PTPRN2: variants seen among roughly 807,000 people sequenced by gnomAD.
The protein encoded by PTPRN2 is protein tyrosine phosphatase receptor type N2, also known as receptor-type tyrosine-protein phosphatase N2.
PTPRN2 carries 74 observed loss-of-function variants against 118.8 expected under a neutral mutation model. The observed-to-expected ratio is 0.62, with a 90% CI of 0.52 to 0.76. PTPRN2 has a LOEUF of 0.76. PTPRN2 is among the 30% of genes least tolerant of loss of function. The pLI is 0.00. For synonymous variants in PTPRN2, 641 were observed against 608.0 expected (o/e 1.05, Z -0.80); for missense variants, 1,481 against 1,394.4 (o/e 1.06, Z -0.99).
intron 12 of PTPRN2, among the ~76,000 whole-genome samples, chr7:157,795,352 C>T (rs1585489297): frequency 6.6e-6 from 1 of 152,330 alleles, no homozygotes; most frequent in Admixed American, 6.5e-5. Flanking sequence ...AAAGCTGGGC[C>T]CCAGCCACAG....
At chr7:158,308,612 CAGAG>C (rs138800097) in intron 3 of PTPRN2, among the ~76,000 whole-genome samples, 10,228 of 151,890 alleles carry the variant, frequency 0.067, 447 homozygotes, top group Non-Finnish European at 0.099. Flanking sequence ...GAAAAAATGA[CAGAG>C]AGTGTTTGAA....
chr7:158,235,557 G>T (rs62479637), intron 3 of PTPRN2, among the ~76,000 whole-genome samples: 49 of 152,214 alleles, frequency 3.2e-4, no homozygotes, highest in Non-Finnish European at 3.4e-4. Context: ...TCATGAGGGT[G>T]CCTCCGTTGA....
At chr7:158,127,395 C>A (rs988693864) in intron 9 of PTPRN2, among the ~76,000 whole-genome samples, 2 of 152,088 alleles carry the variant, frequency 1.3e-5, no homozygotes, top group Non-Finnish European at 2.9e-5. Flanking sequence ...TCTCCACAGT[C>A]CAGGAGCCAC....
intron 3 of PTPRN2, among the ~76,000 whole-genome samples, chr7:158,258,131 G>T (rs1030558391): frequency 5.3e-5 from 8 of 152,242 alleles, no homozygotes; most frequent in African/African-American, 1.9e-4. Context: ...GGGCACGTAA[G>T]AACAGCTCAC....
At chr7:158,290,783 A>G (rs186738433) in intron 3 of PTPRN2, among the ~76,000 whole-genome samples, 23 of 152,264 alleles carry the variant, frequency 1.5e-4, no homozygotes, top group African/African-American at 5.1e-4. Flanking sequence ...CCCAGGTGCT[A>G]TCACCTCTCA....
intron 11 of PTPRN2, among the ~76,000 whole-genome samples, chr7:158,068,729 G>A (rs73748021): frequency 0.017 from 2,531 of 152,222 alleles, 75 homozygotes; most frequent in African/African-American, 0.058. Context: ...CATTTTGGTC[G>A]GTCAAGGGCT....
chr7:157,895,784 G>A (rs868235100), intron 12 of PTPRN2, among the ~76,000 whole-genome samples: 5 of 152,116 alleles, frequency 3.3e-5, no homozygotes, highest in African/African-American at 4.8e-5. Flanking sequence ...CGTCAGGACC[G>A]TGATGGGAAT....
intron 11 of PTPRN2, among the ~76,000 whole-genome samples, chr7:158,027,064 C>T (rs1037549251): frequency 1.1e-4 from 16 of 152,210 alleles, no homozygotes; most frequent in African/African-American, 3.6e-4. Flanking sequence ...CCATCATCTC[C>T]GCTGACCAGG....
rs60880876 is a variant in PTPRN2, at chr7:158,400,956, G to A, written c.164-84024C>T. 2.7e-3 allele frequency among the ~76,000 whole-genome samples: 406 copies of A among 152,026 alleles called. 2 individuals are homozygous for A. The highest frequency in any genetic ancestry group is 9.2e-3 in the African/African-American group (380 of 41,452). ...TGTAAAGAACCTCACGAGGAAAGCC[G>A]AGCAGACAGCAAACCCAGAGCTTCC... On this transcript the variant is annotated intron_variant, in intron 2 of 22. Coordinates refer to ENST00000389418, the MANE Select transcript of PTPRN2 (RefSeq NM_002847.5).
At position 158,003,532 on chromosome 7, in the gene PTPRN2, G is replaced by T. The variant is rs1331586709; in HGVS notation, c.1723+77766C>A. ...TCTACACAGAAGGACAGCCCCTGAG[G>T]ACGTGGCCACGACGCAGCCACCGTG... On this transcript the variant is annotated intron_variant, in intron 11 of 22. Coordinates refer to ENST00000389418, the MANE Select transcript of PTPRN2 (RefSeq NM_002847.5). The surrounding 1 kb of genome is among the most constrained non-coding windows in gnomAD (Gnocchi z 5.0). Among the ~76,000 whole-genome samples, 25 of 152,154 alleles carry T rather than the reference G, an allele frequency of 1.6e-4. No individual in the cohort carries two copies. The highest frequency in any genetic ancestry group is 2.4e-4 in the Non-Finnish European group (16 of 68,028).
intron 12 of PTPRN2, among the ~76,000 whole-genome samples, chr7:157,815,444 T>C (rs1317747133): frequency 6.6e-6 from 1 of 152,192 alleles, no homozygotes; most frequent in Non-Finnish European, 1.5e-5. Flanking sequence ...TAGAGCCACT[T>C]AGAGAAGCAC....
intron 17 of PTPRN2, among the ~76,000 whole-genome samples, chr7:157,584,278 G>GTCT (rs1212848828): frequency 3.9e-5 from 6 of 152,152 alleles, no homozygotes; most frequent in Non-Finnish European, 8.8e-5. Context: ...TGTTAGTCTT[G>GTCT]TCTTTAGCCC....
intron 12 of PTPRN2, among the ~76,000 whole-genome samples, chr7:157,814,964 G>A (rs996650279): frequency 7.9e-5 from 12 of 152,192 alleles, no homozygotes; most frequent in African/African-American, 2.9e-4. Context: ...GGTCACCCGT[G>A]CATGGTGACG....
intron 21 of PTPRN2, among the ~76,000 whole-genome samples, chr7:157,566,070 GC>G (rs1398380283): frequency 5.9e-5 from 9 of 152,192 alleles, no homozygotes; most frequent in African/African-American, 1.7e-4. Flanking sequence ...CTTCAACTAG[GC>G]CCAAAGGCCT....
chr7:158,119,666 A>G (rs569250422), intron 9 of PTPRN2, among the ~76,000 whole-genome samples: 1 of 152,116 alleles, frequency 6.6e-6, no homozygotes, highest in Non-Finnish European at 1.5e-5. Context: ...ATTACAGTAA[A>G]TTGTTATAAT....
chr7:157,646,463 G>C (rs1463971233), intron 14 of PTPRN2, among the ~76,000 whole-genome samples: 2 of 152,130 alleles, frequency 1.3e-5, no homozygotes, highest in Admixed American at 1.3e-4. Flanking sequence ...CATGCTTCCT[G>C]TACAGCCTAC....
intron 1 of PTPRN2, among the ~76,000 whole-genome samples, chr7:158,512,053 A>C (rs892403536): frequency 6.6e-6 from 1 of 152,218 alleles, no homozygotes; most frequent in African/African-American, 2.4e-5. Flanking sequence ...TAACAAAAAA[A>C]ATCAAGGATG....
intron 2 of PTPRN2, among the ~76,000 whole-genome samples, chr7:158,340,544 G>T (rs1373684441): frequency 6.1e-5 from 7 of 114,100 alleles, no homozygotes; most frequent in Non-Finnish European, 9.3e-5. Context: ...GCTGTCGCCC[G>T]CAGAGGTCAC....
intron 3 of PTPRN2, among the ~76,000 whole-genome samples, chr7:158,303,228 C>T (rs1043403483): frequency 2.6e-5 from 4 of 151,740 alleles, no homozygotes; most frequent in Non-Finnish European, 5.9e-5. Context: ...GGATGTGATC[C>T]TGAGAACAAC....
Sources: gnomAD v4.1 joint callset for allele counts (sites outside exome capture counted in the v4.1 genomes callset) on GRCh38, gnomAD v4.1.1 for gene constraint, Gnocchi (gnomAD v3.1) non-coding constraint, MANE v1.5 for transcripts, NCBI Gene and HGNC (gene_info 2026-07-23, HGNC 2026-07-21) for gene names.